The following GLT8D2 variants were observed in gnomAD, a reference collection of about 807,000 sequenced individuals.
GLT8D2 encodes glycosyltransferase 8 domain-containing protein 2.
GLT8D2 carries 45 observed loss-of-function variants against 44.5 expected under a neutral mutation model. The observed-to-expected ratio is 1.01, with a 90% CI of 0.80 to 1.30. The LOEUF is 1.30. Ranked by LOEUF, GLT8D2 falls within the 50% of genes most tolerant of loss-of-function variation. The pLI, the probability that GLT8D2 is intolerant of heterozygous loss-of-function variation, is 0.00. For synonymous variants in GLT8D2, 156 were observed against 157.2 expected, an observed-to-expected ratio of 0.99 and a Z score of 0.06; for missense variants, 400 against 430.4, an observed-to-expected ratio of 0.93 and a Z score of 0.62.
At chr12:104,054,589 C>T (rs191602778), upstream of GLT8D2, among the ~76,000 whole-genome samples, 16 of 152,030 alleles carry the variant, frequency 1.1e-4, no homozygotes, top group African/African-American at 3.9e-4. Flanking sequence ...CATTGCTCTG[C>T]TTCCTCCCTT....
At chr12:104,013,683 G>A (rs1340373468) in intron 4 of GLT8D2, among the ~76,000 whole-genome samples, 3 of 151,644 alleles carry the variant, frequency 2.0e-5, no homozygotes, top group Non-Finnish European at 4.4e-5. Context: ...TCACTGTTGT[G>A]TTTCCAGTCC....
At chr12:104,058,193 C>A (rs556328039) in intron 1 of GLT8D2, among the ~76,000 whole-genome samples, 1 of 152,310 alleles carries the variant, frequency 6.6e-6, no homozygotes, top group East Asian at 1.9e-4. Context: ...AAGTCTCCTG[C>A]AAGGGAACCC....
At chr12:104,012,206 A>G (rs1301997112) in intron 4 of GLT8D2, among the ~76,000 whole-genome samples, 3 of 147,052 alleles carry the variant, frequency 2.0e-5, no homozygotes, top group Admixed American at 1.4e-4. Flanking sequence ...ATATATATAT[A>G]TATATACCTT....
intron 1 of GLT8D2, among the ~76,000 whole-genome samples, chr12:104,022,650 G>C (rs61262810): frequency 6.6e-6 from 1 of 151,972 alleles, no homozygotes; most frequent in African/African-American, 2.4e-5. Flanking sequence ...AGCCCCACAC[G>C]AGTGTTCTGA....
chr12:104,014,134 T>G (rs1216586886), intron 4 of GLT8D2: 4 of 558,854 alleles, frequency 7.2e-6, no homozygotes, highest in Non-Finnish European at 1.3e-5. Flanking sequence ...GAGGCCAAGG[T>G]AGGAGGACAG....
chr12:104,053,486 G>A (rs1881892107), upstream of GLT8D2, among the ~76,000 whole-genome samples: 2 of 152,284 alleles, frequency 1.3e-5, no homozygotes, highest in South Asian at 4.1e-4. Context: ...CTGTTAAGTG[G>A]GGACTACTAA....
chr12:104,026,177 G>C (rs1419335321), intron 1 of GLT8D2, among the ~76,000 whole-genome samples: 1 of 151,584 alleles, frequency 6.6e-6, no homozygotes, highest in Non-Finnish European at 1.5e-5. Flanking sequence ...TACTCGGGAG[G>C]CTGAGGCACA....
chr12:103,993,559 T>A, intron 9 of GLT8D2, 55 bp from the exon 10 acceptor site: 2 of 1,136,090 alleles, frequency 1.8e-6, no homozygotes, highest in Non-Finnish European at 2.5e-6. Flanking sequence ...CAAACTCAGA[T>A]AAAGTCGAAT....
chr12:104,049,769 G>C (rs1024242312), intron 1 of GLT8D2, 126 bp downstream of exon 1: 1 of 152,234 alleles, frequency 6.6e-6, no homozygotes, highest in Middle Eastern at 3.2e-3. Context: ...TGAAGGCAAA[G>C]TTTGTGTGGG....
At chr12:104,042,339 A>C (rs1298532087) in intron 1 of GLT8D2, among the ~76,000 whole-genome samples, 1 of 152,206 alleles carries the variant, frequency 6.6e-6, no homozygotes, top group African/African-American at 2.4e-5. Context: ...AGAGGTCAAG[A>C]GCTACACAGA....
In GLT8D2 at chr12:103,994,484, A is replaced by G; in HGVS notation, c.618T>C (p.Tyr206=). The G allele has an allele frequency of 1.2e-6, 2 of 1,613,612 alleles. No homozygotes were observed. The highest frequency in any genetic ancestry group is 1.7e-6 in the Non-Finnish European group (2 of 1,179,816). The change falls in exon 9 of 11, where the codon TAT becomes TAC. Residue 206 remains tyrosine, a synonymous_variant. Coordinates refer to ENST00000360814, the MANE Select transcript of GLT8D2 (RefSeq NM_001384711.1). The part of the protein sequence containing the change: ...LVGLQNTYMG[Y]LDYRKKAIKD... ...TGATGGCCTTCTTCCGGTAGTCCAG[A>G]TAGCCCATATATGTGTTCTGTAAGG...
At chr12:104,006,604 C>T (rs1195234156) in intron 4 of GLT8D2, among the ~76,000 whole-genome samples, 2 of 152,136 alleles carry the variant, frequency 1.3e-5, no homozygotes, top group Non-Finnish European at 2.9e-5. Context: ...CCATCAATCA[C>T]CTACTAATCC....
chr12:104,064,273 G>C (rs909203413), upstream of GLT8D2: 5 of 355,158 alleles, frequency 1.4e-5, no homozygotes, highest in African/African-American at 1.1e-4. This position sits in a 1 kb window ranked among gnomAD's most constrained non-coding sequence, Gnocchi z 7.3. Flanking sequence ...CCGAACGGGA[G>C]GCTCTGGGTG....
chr12:104,010,154 C>T (rs1343334621), intron 4 of GLT8D2, among the ~76,000 whole-genome samples: 1 of 152,192 alleles, frequency 6.6e-6, no homozygotes, highest in Non-Finnish European at 1.5e-5. Context: ...TTCTTTGCTG[C>T]TGAAAGTTCC....
chr12:104,021,915 G>C (rs1593550277), intron 1 of GLT8D2, among the ~76,000 whole-genome samples: 1 of 18,884 alleles, frequency 5.3e-5, no homozygotes, highest in South Asian at 3.0e-3. Context: ...AGAAGAAGAA[G>C]AAGAAGAAGA....
At chr12:104,004,043 G>A (rs950940873) in intron 4 of GLT8D2, among the ~76,000 whole-genome samples, 27 of 152,070 alleles carry the variant, frequency 1.8e-4, no homozygotes, top group African/African-American at 6.5e-4. Flanking sequence ...AATCAAGTGC[G>A]CTTCATCCCT....
chr12:104,012,184 A>AT (rs1253800135), intron 4 of GLT8D2, among the ~76,000 whole-genome samples: 2,770 of 83,312 alleles, frequency 0.033, 19 homozygotes, highest in Non-Finnish European at 0.051. Flanking sequence ...AAAAAAAAAA[A>AT]AAAAAATATA....
At chr12:104,034,689 T>C (rs1202952325) in intron 1 of GLT8D2, among the ~76,000 whole-genome samples, 3 of 152,234 alleles carry the variant, frequency 2.0e-5, no homozygotes, top group African/African-American at 7.2e-5. Flanking sequence ...CAGCTGCCTC[T>C]GTAGACTCCA....
intron 1 of GLT8D2, among the ~76,000 whole-genome samples, chr12:104,023,731 C>A (rs1878206132): frequency 2.0e-5 from 3 of 152,316 alleles, no homozygotes; most frequent in African/African-American, 7.2e-5. Flanking sequence ...CTGATAGGTT[C>A]TCTGTCTCTG....
Sources: gnomAD v4.1 joint callset for allele counts (sites outside exome capture counted in the v4.1 genomes callset) on GRCh38, gnomAD v4.1.1 for gene constraint, Gnocchi (gnomAD v3.1) non-coding constraint, MANE v1.5 for transcripts, NCBI Gene and HGNC (gene_info 2026-07-23, HGNC 2026-07-21) for gene names.